The following GPC6 variants were observed in gnomAD, a reference collection of about 807,000 sequenced individuals.
The protein encoded by GPC6 is glypican-6.
A neutral mutation model predicts 55.2 loss-of-function variants in GPC6; 14 were observed. That is an observed-to-expected ratio of 0.25 (90% CI 0.17 to 0.40). The LOEUF is 0.40. Among genes scored for constraint, GPC6 ranks in the 10% least tolerant of loss-of-function variants. The pLI is 1.00. For synonymous variants in GPC6, 278 were observed against 259.6 expected (o/e 1.07, Z -0.68); for missense variants, 641 against 708.5 (o/e 0.90, Z 1.08).
chr13:93,837,261 C>T (rs1347709129), intron 3 of GPC6, among the ~76,000 whole-genome samples: 2 of 152,164 alleles, frequency 1.3e-5, no homozygotes, highest in African/African-American at 4.8e-5. Flanking sequence ...AAACAACCAC[C>T]TGTCTCTCCA....
chr13:94,266,918 A>G (rs1283499594), intron 4 of GPC6, among the ~76,000 whole-genome samples: 2 of 152,254 alleles, frequency 1.3e-5, no homozygotes. Flanking sequence ...TCAACGGCTT[A>G]GTCATTCAAA....
intron 3 of GPC6, among the ~76,000 whole-genome samples, chr13:93,968,712 A>C (rs971424417): frequency 6.6e-6 from 1 of 152,208 alleles, no homozygotes; most frequent in Admixed American, 6.5e-5. Flanking sequence ...GAATACATAA[A>C]GGTGATTCCA....
At chr13:94,064,706 T>A (rs1245592264) in intron 4 of GPC6, among the ~76,000 whole-genome samples, 1 of 152,088 alleles carries the variant, frequency 6.6e-6, no homozygotes. Context: ...AGCATTGGAT[T>A]AAAACACTCA....
chr13:93,731,587 G>A (rs1340403959), intron 2 of GPC6, among the ~76,000 whole-genome samples: 1 of 152,078 alleles, frequency 6.6e-6, no homozygotes, highest in Admixed American at 6.6e-5. Context: ...ATATACTAAG[G>A]ATAGTTACTA....
At chr13:94,268,772 T>C (rs889928365) in intron 4 of GPC6, among the ~76,000 whole-genome samples, 1 of 152,198 alleles carries the variant, frequency 6.6e-6, no homozygotes, top group African/African-American at 2.4e-5. Flanking sequence ...GGATGCTTTA[T>C]TTGACAAAGA....
chr13:93,564,744 AT>A (rs937197671), intron 2 of GPC6, among the ~76,000 whole-genome samples: 3 of 152,136 alleles, frequency 2.0e-5, no homozygotes, highest in African/African-American at 7.2e-5. Flanking sequence ...TGTTAAGTAT[AT>A]TTTGTACATG....
chr13:93,994,321 C>T (rs781594383), intron 3 of GPC6, among the ~76,000 whole-genome samples: 1 of 152,094 alleles, frequency 6.6e-6, no homozygotes, highest in Non-Finnish European at 1.5e-5. Context: ...GAATATATTA[C>T]CTTTACAAAA....
chr13:93,378,169 T>C (rs931823583), intron 1 of GPC6, among the ~76,000 whole-genome samples: 3 of 152,180 alleles, frequency 2.0e-5, no homozygotes, highest in African/African-American at 7.2e-5. Context: ...TGGCAAAGGA[T>C]TGTACATAAT....
chr13:93,655,003 ATTT>A (rs3884231), intron 2 of GPC6, among the ~76,000 whole-genome samples: 23 of 104,736 alleles, frequency 2.2e-4, no homozygotes, highest in African/African-American at 6.7e-4. Flanking sequence ...TGCCCGGCTA[ATTT>A]TTTTTTTTTT....
chr13:93,682,399 G>A (rs189737004), intron 2 of GPC6, among the ~76,000 whole-genome samples: 8 of 152,172 alleles, frequency 5.3e-5, no homozygotes, highest in East Asian at 1.9e-4. Flanking sequence ...ACCCTTATGC[G>A]TACACACAAA....
intron 7 of GPC6, among the ~76,000 whole-genome samples, chr13:94,392,550 C>T (rs932631692): frequency 2.0e-5 from 3 of 151,716 alleles, no homozygotes; most frequent in Admixed American, 2.0e-4. Flanking sequence ...CTGTCTCAGC[C>T]TCCCAAGTAG....
chr13:93,676,126 AATATATATATATAT>A (rs764101821), intron 2 of GPC6, among the ~76,000 whole-genome samples: 149 of 15,532 alleles, frequency 9.6e-3, no homozygotes, highest in Middle Eastern at 0.071. Flanking sequence ...AAAAAAAAAA[AATATATATATATAT>A]ATATATATAT....
At chr13:93,915,636 G>A (rs1332583967) in intron 3 of GPC6, among the ~76,000 whole-genome samples, 1 of 152,166 alleles carries the variant, frequency 6.6e-6, no homozygotes, top group Non-Finnish European at 1.5e-5. Flanking sequence ...TGAGCAACCA[G>A]CTGGATCTTA....
intron 4 of GPC6, among the ~76,000 whole-genome samples, chr13:94,155,774 T>C (rs1389370741): frequency 6.6e-6 from 1 of 152,198 alleles, no homozygotes; most frequent in African/African-American, 2.4e-5. Context: ...GTCCTTGACA[T>C]AGACATTCGC....
At chr13:93,798,266 T>A (rs1486141537) in intron 2 of GPC6, among the ~76,000 whole-genome samples, 2 of 152,188 alleles carry the variant, frequency 1.3e-5, no homozygotes, top group African/African-American at 2.4e-5. Flanking sequence ...TAATTGGGAC[T>A]AGATTTAATA....
At chr13:94,061,370 A>C (rs1014153368) in intron 4 of GPC6, among the ~76,000 whole-genome samples, 1 of 152,204 alleles carries the variant, frequency 6.6e-6, no homozygotes, top group Non-Finnish European at 1.5e-5. Flanking sequence ...ACAAGAAAGC[A>C]GTTTTCTGCC....
intron 1 of GPC6, among the ~76,000 whole-genome samples, chr13:93,263,021 A>G (rs974831461): frequency 2.0e-4 from 31 of 152,310 alleles, no homozygotes; most frequent in African/African-American, 7.5e-4. Context: ...AAGGAGTGCA[A>G]TATTCGTGAA....
intron 4 of GPC6, among the ~76,000 whole-genome samples, chr13:94,134,580 G>A (rs552086471): frequency 2.0e-5 from 3 of 152,272 alleles, no homozygotes; most frequent in Non-Finnish European, 4.4e-5. Flanking sequence ...TAAATGAGGT[G>A]TCCTCCTAAT....
chr13:93,836,320 A>T (rs1015008067), intron 3 of GPC6, among the ~76,000 whole-genome samples: 2 of 152,232 alleles, frequency 1.3e-5, no homozygotes, highest in Non-Finnish European at 2.9e-5. Context: ...TTTACAAGAG[A>T]AATTGTATTC....
Sources: allele counts gnomAD v4.1 joint callset (sites outside exome capture counted in the v4.1 genomes callset), GRCh38; gene constraint gnomAD v4.1.1; transcripts MANE v1.5; gene names NCBI Gene and HGNC (gene_info 2026-07-23, HGNC 2026-07-21).